Variants in PRKG1 observed in about 807,000 individuals in gnomAD.
The protein encoded by PRKG1 is cGMP-dependent protein kinase 1.
In PRKG1, 35 loss-of-function variants were observed where a neutral mutation model predicts 88.1. That is an observed-to-expected ratio of 0.40 (90% CI 0.30 to 0.53). The LOEUF is 0.53. PRKG1 is among the 20% of genes least tolerant of loss of function. The pLI is 0.59. For synonymous variants in PRKG1, 303 were observed against 292.5 expected, an observed-to-expected ratio of 1.04 and a Z score of -0.37; for missense variants, 540 against 839.8, an observed-to-expected ratio of 0.64 and a Z score of 4.41.
chr10:51,933,408 G>A (rs911659814), intron 5 of PRKG1, among the ~76,000 whole-genome samples: 1 of 151,762 alleles, frequency 6.6e-6, no homozygotes, highest in Non-Finnish European at 1.5e-5. Flanking sequence ...TAAATATATT[G>A]CATAGGATGC....
intron 8 of PRKG1, among the ~76,000 whole-genome samples, chr10:52,153,586 C>A (rs1838001591): frequency 6.6e-6 from 1 of 152,150 alleles, no homozygotes; most frequent in Non-Finnish European, 1.5e-5. Context: ...GATGGAAATG[C>A]CACTTGCAGG....
intron 7 of PRKG1, among the ~76,000 whole-genome samples, chr10:52,086,407 A>AT (rs34889827): frequency 0.19 from 26,668 of 140,150 alleles, 2,886 homozygotes; most frequent in South Asian, 0.36. Flanking sequence ...TATAGGTATG[A>AT]TTTTTTTTTT....
At chr10:51,372,670 A>G (rs1842728165) in intron 2 of PRKG1, among the ~76,000 whole-genome samples, 3 of 152,134 alleles carry the variant, frequency 2.0e-5, no homozygotes, top group Non-Finnish European at 4.4e-5. Flanking sequence ...AAGCTTTTTA[A>G]AACATTACAA....
At position 52,271,400 on chromosome 10, in the gene PRKG1, G is replaced by A; in HGVS notation, c.1224G>A (p.Lys408=). The change falls in exon 11 of 18, where the codon AAG becomes AAA. Residue 408 remains lysine, a synonymous_variant. Transcript: ENST00000373980. ...ESKTFAMKIL[K]KRHIVDTRQQ... is the part of the protein sequence containing the mutation. ...AAACGTTTGCAATGAAGATTCTCAA[G>A]AAACGTCACATTGTGGACACAAGAC... The A allele has an allele frequency of 6.2e-7, 1 of 1,612,880 alleles. No homozygotes were observed. The highest frequency in any genetic ancestry group is 8.5e-7 in the Non-Finnish European group (1 of 1,179,286).
intron 1 of PRKG1, among the ~76,000 whole-genome samples, chr10:51,059,253 A>G (rs186069396): frequency 2.6e-5 from 4 of 152,240 alleles, no homozygotes; most frequent in South Asian, 4.1e-4. Flanking sequence ...ATGGACATCT[A>G]TTTCTTTTTG....
chr10:51,837,937 G>C (rs957727095), intron 4 of PRKG1, among the ~76,000 whole-genome samples: 6 of 152,146 alleles, frequency 3.9e-5, no homozygotes, highest in Admixed American at 6.5e-5. Context: ...ATAGTAGAGA[G>C]AAAGTTGCTG....
chr10:51,877,539 C>T (rs1457066658), intron 4 of PRKG1, among the ~76,000 whole-genome samples: 1 of 152,138 alleles, frequency 6.6e-6, no homozygotes, highest in African/African-American at 2.4e-5. Context: ...TTTTCAAAAG[C>T]TCATGCTTCC....
chr10:51,381,195 T>G (rs1837085370), intron 2 of PRKG1, among the ~76,000 whole-genome samples: 1 of 132,264 alleles, frequency 7.6e-6, no homozygotes, highest in Non-Finnish European at 1.5e-5. Context: ...AGGTGGAGGT[T>G]TCAGTGAGCC....
At chr10:51,731,519 GA>G (rs1226175374) in intron 3 of PRKG1, among the ~76,000 whole-genome samples, 4 of 152,136 alleles carry the variant, frequency 2.6e-5, no homozygotes, top group Non-Finnish European at 4.4e-5. Context: ...CCAGACTTGA[GA>G]AAATTTAGCC....
At chr10:51,480,631 G>A (rs1840327020) in intron 3 of PRKG1, among the ~76,000 whole-genome samples, 1 of 151,864 alleles carries the variant, frequency 6.6e-6, no homozygotes, top group African/African-American at 2.4e-5. Flanking sequence ...TGACCATGGT[G>A]AAGCAGCCGT....
intron 2 of PRKG1, among the ~76,000 whole-genome samples, chr10:51,269,777 G>C (rs934600455): frequency 1.3e-5 from 2 of 152,156 alleles, no homozygotes; most frequent in Admixed American, 1.3e-4. Context: ...CACTGCTAGA[G>C]TGACAGGTCC....
intron 2 of PRKG1, among the ~76,000 whole-genome samples, chr10:51,302,356 A>T (rs927968376): frequency 2.0e-5 from 3 of 152,200 alleles, no homozygotes; most frequent in South Asian, 2.1e-4. Context: ...CATTTTAGTA[A>T]TTTGAGATAA....
At position 51,554,061 on chromosome 10, in the gene PRKG1, G is replaced by A. The variant is rs1231288255; in HGVS notation, c.592+86225G>A. On this transcript the variant is annotated intron_variant, in intron 3 of 17. Coordinates refer to ENST00000373980, the MANE Select transcript of PRKG1 (RefSeq NM_006258.4). ...TATTATATGTGCGTATGTGATACGT[G>A]TATATATTATATGTGCGTATGTGAT... is the stretch of plus-strand genomic sequence containing the variant. Among the ~76,000 whole-genome samples, 2 of 130,484 alleles carry A rather than the reference G, an allele frequency of 1.5e-5. 1 individual carries two copies. The highest frequency in any genetic ancestry group is 6.5e-5 in the African/African-American group (2 of 30,910). 85.6% of individuals were successfully genotyped at this position (130,484 alleles called of 152,430 possible). A position where few individuals can be genotyped will look rare whatever the true frequency, so the allele number is the denominator to read the frequency against.
At chr10:51,733,999 A>T (rs1209300428) in intron 3 of PRKG1, among the ~76,000 whole-genome samples, 1 of 152,174 alleles carries the variant, frequency 6.6e-6, no homozygotes, top group Non-Finnish European at 1.5e-5. Flanking sequence ...AATTCTTGGC[A>T]TTCTAATAAA....
chr10:51,508,555 T>G, intron 3 of PRKG1, among the ~76,000 whole-genome samples: 1 of 150,248 alleles, frequency 6.7e-6, no homozygotes, highest in African/African-American at 2.4e-5. Context: ...TGACTTTTTT[T>G]AAAAAAAAAA....
chr10:51,857,184 G>T (rs1840705230), intron 4 of PRKG1, among the ~76,000 whole-genome samples: 1 of 152,062 alleles, frequency 6.6e-6, no homozygotes, highest in African/African-American at 2.4e-5. Context: ...TTTCTTTACA[G>T]ATTTCTCTTT....
intron 8 of PRKG1, among the ~76,000 whole-genome samples, chr10:52,151,083 T>A (rs1051574643): frequency 6.6e-6 from 1 of 152,188 alleles, no homozygotes; most frequent in Non-Finnish European, 1.5e-5. Context: ...CTGAAATTTT[T>A]AAAAACATTT....
At chr10:52,208,291 T>C (rs1045525437) in intron 9 of PRKG1, among the ~76,000 whole-genome samples, 9 of 152,216 alleles carry the variant, frequency 5.9e-5, no homozygotes, top group African/African-American at 2.2e-4. Flanking sequence ...CTTTCAAAAC[T>C]GCTTCTGAAT....
intron 7 of PRKG1, among the ~76,000 whole-genome samples, chr10:52,105,119 A>T (rs1285101238): frequency 7.4e-6 from 1 of 135,436 alleles, no homozygotes; most frequent in African/African-American, 2.6e-5. Context: ...AAATCTTAAA[A>T]GGAAGAACTT....
Sources: gnomAD v4.1 joint callset for allele counts (sites outside exome capture counted in the v4.1 genomes callset) on GRCh38, gnomAD v4.1.1 for gene constraint, MANE v1.5 for transcripts, NCBI Gene and HGNC (gene_info 2026-07-23, HGNC 2026-07-21) for gene names.